The following EXOC4 variants were observed in gnomAD, a reference collection of about 807,000 sequenced individuals.
EXOC4 encodes SEC8-like 1.
A neutral mutation model predicts 107.2 loss-of-function variants in EXOC4; 71 were observed. The observed-to-expected ratio is 0.66, with a 90% CI of 0.55 to 0.81. EXOC4 has a LOEUF of 0.81. EXOC4 is among the 30% of genes least tolerant of loss of function. The pLI is 0.00. For missense variants in EXOC4, 1,108 were observed against 1,189.6 expected, an observed-to-expected ratio of 0.93 and a Z score of 1.01; for synonymous variants, 456 against 441.2, an observed-to-expected ratio of 1.03 and a Z score of -0.42.
intron 17 of EXOC4, among the ~76,000 whole-genome samples, chr7:134,039,164 A>G (rs1795457496): frequency 6.6e-6 from 1 of 152,204 alleles, no homozygotes; most frequent in African/African-American, 2.4e-5. Context: ...ATCAATAGAT[A>G]TAGATAATAG....
At chr7:134,050,544 G>A (rs1795760170) in intron 17 of EXOC4, among the ~76,000 whole-genome samples, 2 of 152,138 alleles carry the variant, frequency 1.3e-5, no homozygotes, top group African/African-American at 2.4e-5. Flanking sequence ...GGTTACCCAT[G>A]CAGTAAGTGA....
chr7:133,727,886 A>G (rs1389577232), intron 10 of EXOC4, among the ~76,000 whole-genome samples: 1 of 152,234 alleles, frequency 6.6e-6, no homozygotes, highest in African/African-American at 2.4e-5. Context: ...ACACATGCTT[A>G]TTCTTAAATT....
intron 11 of EXOC4, among the ~76,000 whole-genome samples, chr7:133,858,181 G>C (rs904418336): frequency 1.3e-5 from 2 of 152,194 alleles, no homozygotes; most frequent in African/African-American, 4.8e-5. Flanking sequence ...CTGAATTCTT[G>C]TCCAGCATCC....
At chr7:133,416,174 G>C (rs763788270) in intron 7 of EXOC4, among the ~76,000 whole-genome samples, 6 of 152,174 alleles carry the variant, frequency 3.9e-5, no homozygotes, top group Non-Finnish European at 7.4e-5. Context: ...AAAAAAGACT[G>C]TGGTGTAAAA....
chr7:133,611,081 G>T (rs1249656197), intron 9 of EXOC4, among the ~76,000 whole-genome samples: 1 of 151,570 alleles, frequency 6.6e-6, no homozygotes, highest in East Asian at 1.9e-4. Context: ...GGGATTACAG[G>T]CATGAGCCCT....
At chr7:133,354,058 T>A (rs1795970105) in intron 5 of EXOC4, among the ~76,000 whole-genome samples, 1 of 152,058 alleles carries the variant, frequency 6.6e-6, no homozygotes, top group Non-Finnish European at 1.5e-5. Flanking sequence ...TATTTGAGCA[T>A]CTTTAAAACA....
intron 11 of EXOC4, among the ~76,000 whole-genome samples, chr7:133,867,731 A>G (rs968029826): frequency 6.6e-6 from 1 of 152,212 alleles, no homozygotes; most frequent in Admixed American, 6.5e-5. Flanking sequence ...AACCCTAATC[A>G]GTTACTTAAA....
chr7:133,589,743 A>T (rs1801495372), intron 9 of EXOC4, among the ~76,000 whole-genome samples: 1 of 152,194 alleles, frequency 6.6e-6, no homozygotes, highest in African/African-American at 2.4e-5. Context: ...GTTTTTCCTC[A>T]CAAATGGATG....
intron 17 of EXOC4, among the ~76,000 whole-genome samples, chr7:134,060,040 C>A (rs893349407): frequency 1.3e-5 from 2 of 152,110 alleles, no homozygotes; most frequent in African/African-American, 2.4e-5. Flanking sequence ...GAAAAAGCCA[C>A]AGAGAACAGT....
chr7:133,759,064 T>G (rs959854863), intron 10 of EXOC4, among the ~76,000 whole-genome samples: 17 of 152,150 alleles, frequency 1.1e-4, no homozygotes, highest in African/African-American at 4.1e-4. Context: ...ATTTAGGGAT[T>G]GCTCCCCATG....
At chr7:133,946,156 G>A (rs1014081501) in intron 14 of EXOC4, among the ~76,000 whole-genome samples, 1 of 152,028 alleles carries the variant, frequency 6.6e-6, no homozygotes, top group Non-Finnish European at 1.5e-5. Flanking sequence ...TAGACTTTCC[G>A]TGCCCTTCAT....
intron 7 of EXOC4, among the ~76,000 whole-genome samples, chr7:133,440,101 C>T (rs2150789797): frequency 6.6e-6 from 1 of 152,182 alleles, no homozygotes; most frequent in South Asian, 2.1e-4. Context: ...CACAGGGACA[C>T]ACAGTTTAAC....
intron 17 of EXOC4, among the ~76,000 whole-genome samples, chr7:134,014,580 A>G (rs1236525439): frequency 6.6e-6 from 1 of 152,158 alleles, no homozygotes; most frequent in African/African-American, 2.4e-5. Context: ...TATTCATATG[A>G]AATGTCCAAA....
intron 5 of EXOC4, among the ~76,000 whole-genome samples, chr7:133,355,599 A>T (rs565229387): frequency 4.6e-5 from 7 of 152,088 alleles, no homozygotes; most frequent in Non-Finnish European, 1.0e-4. Flanking sequence ...CTTCCATTTC[A>T]GTGCCAAATT....
chr7:133,273,027 G>A (rs1329070301), intron 1 of EXOC4, among the ~76,000 whole-genome samples: 1 of 152,170 alleles, frequency 6.6e-6, no homozygotes, highest in Non-Finnish European at 1.5e-5. Flanking sequence ...AACCGATCTA[G>A]TGTAGCTTTG....
rs558946222 is a variant in EXOC4, at chr7:134,064,794, A to G, written c.*266A>G. On this transcript the variant is annotated 3_prime_UTR_variant, in exon 18 of 18. Transcript: ENST00000253861. ...GGGATAGGGAGGAAGGTGGTATCAAATTGTTGGACTCTGAAAAACAAGTGG... is the reference window on the plus strand; with the variant it reads ...GGGATAGGGAGGAAGGTGGTATCAAGTTGTTGGACTCTGAAAAACAAGTGG... 1.6e-5 allele frequency: 4 copies of G among 249,034 alleles called. No homozygotes were observed. In the East Asian group the frequency reaches 2.2e-4, roughly 13 times the overall value. The allele number at this position is 249,034 out of a possible 1,614,324, so 15.4% of individuals were successfully genotyped here. A position where few individuals can be genotyped will look rare whatever the true frequency, so the allele number is the denominator to read the frequency against.
At chr7:133,366,424 G>T (rs1358874121) in intron 6 of EXOC4, among the ~76,000 whole-genome samples, 1 of 152,102 alleles carries the variant, frequency 6.6e-6, no homozygotes, top group African/African-American at 2.4e-5. Context: ...TGTGTTTAAA[G>T]AATAAACACT....
At chr7:133,953,441 GAA>G (rs60746450) in intron 14 of EXOC4, among the ~76,000 whole-genome samples, 1 of 147,248 alleles carries the variant, frequency 6.8e-6, no homozygotes, top group Non-Finnish European at 1.5e-5. Flanking sequence ...CTACAAAAAA[GAA>G]AAAAAAAATT....
intron 10 of EXOC4, among the ~76,000 whole-genome samples, chr7:133,782,805 G>A (rs148198070): frequency 1.5e-4 from 23 of 152,266 alleles, no homozygotes; most frequent in African/African-American, 5.3e-4. Flanking sequence ...TAGCAAAGGC[G>A]AATGGTATTG....
Sources: allele counts gnomAD v4.1 joint callset (sites outside exome capture counted in the v4.1 genomes callset), GRCh38; gene constraint gnomAD v4.1.1; transcripts MANE v1.5; gene names NCBI Gene and HGNC (gene_info 2026-07-23, HGNC 2026-07-21).